Variants in RIMS2 observed in about 807,000 individuals in gnomAD.
The protein encoded by RIMS2 is regulating synaptic membrane exocytosis 2, also known as regulating synaptic membrane exocytosis protein 2.
In RIMS2, 59 loss-of-function variants were observed where a neutral mutation model predicts 174.4. That is an observed-to-expected ratio of 0.34 (90% CI 0.27 to 0.42). The LOEUF is 0.42. Among genes scored for constraint, RIMS2 ranks in the 10% least tolerant of loss-of-function variants. RIMS2 has a pLI of 1.00. For missense variants in RIMS2, 1,620 were observed against 1,666.3 expected, an observed-to-expected ratio of 0.97 and a Z score of 0.48; for synonymous variants, 606 against 572.5, an observed-to-expected ratio of 1.06 and a Z score of -0.84.
At chr8:103,964,201 C>G (rs964578934) in intron 15 of RIMS2, among the ~76,000 whole-genome samples, 1 of 152,206 alleles carries the variant, frequency 6.6e-6, no homozygotes, top group Non-Finnish European at 1.5e-5. Context: ...AGCACAATTG[C>G]TGGATCGTAT....
intron 19 of RIMS2, among the ~76,000 whole-genome samples, chr8:104,170,979 C>A (rs936039264): frequency 6.6e-6 from 1 of 152,100 alleles, no homozygotes; most frequent in Non-Finnish European, 1.5e-5. Flanking sequence ...AAAGATAGGA[C>A]CCCAATCCCT....
intron 3 of RIMS2, among the ~76,000 whole-genome samples, chr8:103,825,776 G>A (rs1337317496): frequency 1.3e-5 from 2 of 151,948 alleles, no homozygotes; most frequent in African/African-American, 4.8e-5. Context: ...CATAGCGTGG[G>A]TGTATGTTTA....
At chr8:103,702,536 A>G (rs2137532598) in intron 2 of RIMS2, among the ~76,000 whole-genome samples, 1 of 152,254 alleles carries the variant, frequency 6.6e-6, no homozygotes, top group East Asian at 1.9e-4. Flanking sequence ...TTGTAGTAGT[A>G]GTGCCACAGT....
chr8:104,181,598 A>C (rs796447315), intron 19 of RIMS2, among the ~76,000 whole-genome samples: 2 of 151,616 alleles, frequency 1.3e-5, no homozygotes, highest in African/African-American at 4.8e-5. Context: ...AAATTCCACA[A>C]ATGTTTGTTT....
chr8:103,726,331 G>A (rs1185199465), intron 2 of RIMS2, among the ~76,000 whole-genome samples: 1 of 152,106 alleles, frequency 6.6e-6, no homozygotes, highest in Non-Finnish European at 1.5e-5. Flanking sequence ...CTCTGTCTGC[G>A]GCTTGGCTTT....
intron 1 of RIMS2, among the ~76,000 whole-genome samples, chr8:103,509,651 G>A (rs1825494351): frequency 6.6e-6 from 1 of 152,012 alleles, no homozygotes; most frequent in South Asian, 2.1e-4. Flanking sequence ...ATTTTATTGG[G>A]TTTTGTGATG....
chr8:103,791,903 T>G, intron 3 of RIMS2, among the ~76,000 whole-genome samples: 1 of 151,928 alleles, frequency 6.6e-6, no homozygotes, highest in Admixed American at 6.6e-5. Flanking sequence ...CAATACAGGA[T>G]CGCCCAGATT....
chr8:103,645,382 T>C (rs989455249), intron 1 of RIMS2, among the ~76,000 whole-genome samples: 5 of 152,162 alleles, frequency 3.3e-5, no homozygotes, highest in South Asian at 2.1e-4. Context: ...TTTGTTATTG[T>C]GACACAAATA....
At position 104,006,559 on chromosome 8, in the gene RIMS2, T is replaced by C. The variant is rs78006011; in HGVS notation, c.3045-6883T>C. On this transcript the variant is annotated intron_variant, in intron 17 of 23. Coordinates refer to ENST00000504942, the Ensembl canonical transcript of RIMS2. The stretch of plus-strand genomic sequence containing the variant: ...GAGCAAAACTCCTCAAAAATAAAAA[T>C]AAACAATAATAATAATACCTTCTTT... Among the ~76,000 whole-genome samples, 208 of 151,324 alleles carry C rather than the reference T, an allele frequency of 1.4e-3. 2 individuals carry two copies. The East Asian group carries it at 0.038, about 28-fold the overall frequency.
At chr8:103,638,814 A>C (rs554178236) in intron 1 of RIMS2, among the ~76,000 whole-genome samples, 5 of 152,060 alleles carry the variant, frequency 3.3e-5, no homozygotes, top group Non-Finnish European at 7.4e-5. Context: ...CACTGTTTCT[A>C]GGCTCTCTCA....
chr8:103,749,275 C>T (rs1186562980), intron 2 of RIMS2, among the ~76,000 whole-genome samples: 1 of 151,568 alleles, frequency 6.6e-6, no homozygotes, highest in Non-Finnish European at 1.5e-5. Context: ...GCACGCCCGG[C>T]TAACTTTTTT....
In RIMS2 at chr8:103,554,102, G is replaced by T. The variant is rs114791965; in HGVS notation, c.176+53040G>T. On this transcript the variant is annotated intron_variant, in intron 1 of 23. Transcript: ENST00000504942. The stretch of plus-strand genomic sequence containing the variant: ...AACCTGAAACTCTAAATATCCTGAA[G>T]ATAACCTAGGAAATACCATTCTGGA... Among the ~76,000 whole-genome samples the T allele has an allele frequency of 7.1e-3, 1,083 of 152,192 alleles. 21 individuals carry two copies. Among genetic ancestry groups the T allele is most frequent in the African/African-American group, 0.025 (1,022 of 41,532 alleles).
intron 3 of RIMS2, among the ~76,000 whole-genome samples, chr8:103,862,917 G>C (rs2099066116): frequency 6.6e-6 from 1 of 152,054 alleles, no homozygotes; most frequent in Admixed American, 6.6e-5. Context: ...GAGATAATTT[G>C]ACTTCCCCTT....
chr8:103,935,977 A>G (rs2081151625), intron 12 of RIMS2, among the ~76,000 whole-genome samples: 2 of 152,230 alleles, frequency 1.3e-5, no homozygotes, highest in Non-Finnish European at 2.9e-5. Flanking sequence ...TGTGGTGACT[A>G]GCTCACATAG....
At chr8:104,079,140 T>C (rs970160612) in intron 19 of RIMS2, among the ~76,000 whole-genome samples, 2 of 152,110 alleles carry the variant, frequency 1.3e-5, no homozygotes, top group African/African-American at 2.4e-5. Context: ...TTGTATATTA[T>C]AGAACACTGT....
intron 1 of RIMS2, among the ~76,000 whole-genome samples, chr8:103,565,069 C>T (rs529420329): frequency 1.3e-5 from 2 of 152,198 alleles, no homozygotes; most frequent in South Asian, 2.1e-4. Flanking sequence ...TGAGACTTGA[C>T]AGACATATGG....
chr8:103,963,305 A>G (rs1012252260), intron 15 of RIMS2, among the ~76,000 whole-genome samples: 8 of 152,172 alleles, frequency 5.3e-5, no homozygotes, highest in African/African-American at 1.9e-4. Context: ...GTATGAGTCA[A>G]CAAACCAGCA....
chr8:103,751,897 T>C (rs1048441836), intron 2 of RIMS2, among the ~76,000 whole-genome samples: 4 of 152,038 alleles, frequency 2.6e-5, no homozygotes, highest in African/African-American at 9.7e-5. Context: ...TTTTGTAGGT[T>C]GCCTGTTCAC....
chr8:103,646,302 G>T (rs571337940), intron 1 of RIMS2, among the ~76,000 whole-genome samples: 3 of 152,070 alleles, frequency 2.0e-5, no homozygotes, highest in Admixed American at 6.5e-5. Context: ...TGTGTGCCAC[G>T]TGAGGTAGAA....
Sources: gnomAD v4.1 joint callset for allele counts (sites outside exome capture counted in the v4.1 genomes callset) on GRCh38, gnomAD v4.1.1 for gene constraint, MANE v1.5 for transcripts, NCBI Gene and HGNC (gene_info 2026-07-23, HGNC 2026-07-21) for gene names.